The following TNS3 variants were observed in gnomAD, a reference collection of about 807,000 sequenced individuals.
TNS3 encodes the protein tensin-3.
TNS3 carries 45 observed loss-of-function variants against 140.9 expected under a neutral mutation model. That is an observed-to-expected ratio of 0.32 (90% CI 0.25 to 0.41). TNS3 has a LOEUF of 0.41. Ranked by LOEUF, TNS3 falls within the 10% of genes least tolerant of loss-of-function variation. The pLI, the probability that TNS3 is intolerant of heterozygous loss-of-function variation, is 1.00. For missense variants in TNS3, 1,716 were observed against 1,906.7 expected, an observed-to-expected ratio of 0.90 and a Z score of 1.86; for synonymous variants, 815 against 788.4, an observed-to-expected ratio of 1.03 and a Z score of -0.56.
intron 3 of TNS3, 28 bp from the exon 4 acceptor site, chr7:47,481,169 C>T (rs1257582366): frequency 7.8e-7 from 1 of 1,289,084 alleles, no homozygotes; most frequent in Non-Finnish European, 1.0e-6. Flanking sequence ...AACAGATAAG[C>T]AAATGGATTC....
intron 2 of TNS3, among the ~76,000 whole-genome samples, chr7:47,512,715 T>C (rs1252189615): frequency 6.6e-6 from 1 of 152,162 alleles, no homozygotes; most frequent in African/African-American, 2.4e-5. Flanking sequence ...CTGGGAAAAC[T>C]GGTTACTCCA....
chr7:47,546,184 T>C (rs1037648776), intron 1 of TNS3, among the ~76,000 whole-genome samples: 1 of 152,206 alleles, frequency 6.6e-6, no homozygotes, highest in African/African-American at 2.4e-5. Context: ...GGCCACAGTT[T>C]CTTCATCTGC....
chr7:47,278,328 A>G (rs1009415451), intron 30 of TNS3, 108 bp from the exon 31 acceptor site: 1 of 1,348,532 alleles, frequency 7.4e-7, no homozygotes, highest in Non-Finnish European at 9.9e-7. Flanking sequence ...AGTGGCACCT[A>G]TCAAAAATCA....
rs182392928 is a variant in TNS3, at chr7:47,535,117, G to T, written c.-264-5970C>A. 8.5e-5 allele frequency among the ~76,000 whole-genome samples: 13 copies of T among 152,318 alleles called. No homozygotes were observed. The East Asian group carries it at 2.5e-3, about 29-fold the overall frequency. On this transcript the variant is annotated intron_variant, in intron 1 of 30. Transcript: ENST00000311160. ...GCAATTTCCTAGATGCAGGACACCAGGCTCTTTCCCCTTTGTCCTCTTAGG... is the reference window on the plus strand; with the variant it reads ...GCAATTTCCTAGATGCAGGACACCATGCTCTTTCCCCTTTGTCCTCTTAGG...
intron 2 of TNS3, among the ~76,000 whole-genome samples, chr7:47,524,772 G>A (rs899140945): frequency 4.7e-5 from 6 of 128,720 alleles, no homozygotes; most frequent in Admixed American, 8.6e-5. Flanking sequence ...ACTGCAGTCC[G>A]CAGTCCGGCC....
rs1332971311 is a variant in TNS3 at position 47,463,959 on chromosome 7, C to T, written c.-76+17144G>A. On this transcript the variant is annotated intron_variant, in intron 4 of 30. Transcript: ENST00000311160. ...CTTGCCAGTTTCTAATTCTAATGCC[C>T]CCACTTAATACACCTGTTACTCTAA... is the stretch of plus-strand genomic sequence containing the variant. Among the ~76,000 whole-genome samples, 3 of 152,090 alleles carry T rather than the reference C, an allele frequency of 2.0e-5. No homozygotes were observed. The East Asian group carries it at 5.8e-4, about 29-fold the overall frequency.
intron 1 of TNS3, among the ~76,000 whole-genome samples, chr7:47,561,317 A>G (rs1800315426): frequency 6.6e-6 from 1 of 152,044 alleles, no homozygotes; most frequent in Non-Finnish European, 1.5e-5. Context: ...AGTGTTAGAG[A>G]CTGTTGTGTT....
chr7:47,551,410 G>C (rs1170368565), intron 1 of TNS3, among the ~76,000 whole-genome samples: 1 of 152,192 alleles, frequency 6.6e-6, no homozygotes, highest in East Asian at 1.9e-4. Context: ...GGAGGAGGTG[G>C]GTGAGGGCAC....
intron 13 of TNS3, among the ~76,000 whole-genome samples, chr7:47,408,771 C>T (rs1216926479): frequency 6.6e-6 from 1 of 152,208 alleles, no homozygotes; most frequent in Non-Finnish European, 1.5e-5. Context: ...ATCCTTACAA[C>T]AGCATCAGCC....
chr7:47,389,166 C>CAGCACA (rs1792355749), intron 16 of TNS3, among the ~76,000 whole-genome samples: 1 of 3,724 alleles, frequency 2.7e-4, no homozygotes, highest in Non-Finnish European at 1.4e-3. Context: ...GCAGAAGAAG[C>CAGCACA]AGCAGAAGCA....
At chr7:47,400,687 A>T in intron 14 of TNS3, 98 bp downstream of exon 14, 2 of 1,537,834 alleles carry the variant, frequency 1.3e-6, no homozygotes, top group Non-Finnish European at 1.8e-6. Flanking sequence ...CAGTAGGCTG[A>T]ATTTTGGAAA....
chr7:47,379,776 G>T (rs1347412459), intron 16 of TNS3, among the ~76,000 whole-genome samples: 1 of 152,146 alleles, frequency 6.6e-6, no homozygotes, highest in Non-Finnish European at 1.5e-5. Context: ...TGCCAGGAGG[G>T]GAGGTGCCCA....
intron 16 of TNS3, among the ~76,000 whole-genome samples, chr7:47,377,315 G>A (rs1791453660): frequency 6.6e-6 from 1 of 152,184 alleles, no homozygotes; most frequent in Non-Finnish European, 1.5e-5. Flanking sequence ...TCTCCTGGAG[G>A]GGTCTCAAGG....
intron 2 of TNS3, among the ~76,000 whole-genome samples, chr7:47,508,657 C>T (rs1244130175): frequency 6.6e-6 from 1 of 152,196 alleles, no homozygotes; most frequent in African/African-American, 2.4e-5. Flanking sequence ...TCTCTTGGCC[C>T]CCATGCTGGT....
intron 4 of TNS3, among the ~76,000 whole-genome samples, chr7:47,460,066 A>G (rs1796418493): frequency 6.6e-6 from 1 of 152,058 alleles, no homozygotes; most frequent in Non-Finnish European, 1.5e-5. Context: ...ACAAAAAATT[A>G]GCCATGCATG....
chr7:47,315,445 AC>A (rs1476486455), intron 20 of TNS3, among the ~76,000 whole-genome samples: 1 of 151,844 alleles, frequency 6.6e-6, no homozygotes, highest in East Asian at 1.9e-4. Flanking sequence ...CTCGGCTTCC[AC>A]CTCCTTCATT....
chr7:47,539,413 G>T, intron 1 of TNS3: 1 of 330,888 alleles, frequency 3.0e-6, no homozygotes. Flanking sequence ...TTTTTCACTG[G>T]CAAGAAACAG....
intron 13 of TNS3, among the ~76,000 whole-genome samples, chr7:47,408,779 G>A (rs766759958): frequency 6.6e-5 from 10 of 152,134 alleles, no homozygotes; most frequent in Non-Finnish European, 1.2e-4. Context: ...AACAGCATCA[G>A]CCTTTGTGGG....
rs1185250205 is a variant in TNS3 at position 47,481,123 on chromosome 7, C to A, written c.-96G>T. The A allele has an allele frequency of 7.8e-7, 1 of 1,289,842 alleles. No homozygotes were observed. The highest frequency in any genetic ancestry group is 1.0e-6 in the Non-Finnish European group (1 of 988,890). The allele number at this position is 1,289,842 out of a possible 1,614,324, so 79.9% of individuals were successfully genotyped here. The stretch of plus-strand genomic sequence containing the variant: ...CTTACCTGTTCCAGTCGGACTTGCA[C>A]ACCGCAGGGAATCACCACCTTTCAA... On this transcript the variant is annotated 5_prime_UTR_variant, in exon 4 of 31. Transcript: ENST00000311160.
Sources: gnomAD v4.1 joint callset for allele counts (sites outside exome capture counted in the v4.1 genomes callset) on GRCh38, gnomAD v4.1.1 for gene constraint, MANE v1.5 for transcripts, NCBI Gene and HGNC (gene_info 2026-07-23, HGNC 2026-07-21) for gene names.